The following FAM13A variants were observed in gnomAD, a reference collection of about 807,000 sequenced individuals.
FAM13A encodes the protein protein FAM13A.
In FAM13A, 76 loss-of-function variants were observed where a neutral mutation model predicts 129.6. The ratio of observed to expected loss-of-function variants is 0.59; its 90% CI spans 0.49 to 0.71. The LOEUF (loss-of-function observed/expected upper bound fraction) is 0.71. FAM13A is among the 30% of genes least tolerant of loss of function. The pLI is 0.00. For missense variants in FAM13A, 1,108 were observed against 1,249.3 expected (o/e 0.89, Z 1.70); for synonymous variants, 443 against 449.9 (o/e 0.98, Z 0.20).
At chr4:88,780,784 C>T (rs1278994651) in intron 11 of FAM13A, among the ~76,000 whole-genome samples, 1 of 151,754 alleles carries the variant, frequency 6.6e-6, no homozygotes, top group South Asian at 2.1e-4. Context: ...TGTATTTCAC[C>T]TTGCTTTAAG....
chr4:88,969,162 T>A (rs1759743546), intron 4 of FAM13A, among the ~76,000 whole-genome samples: 1 of 152,126 alleles, frequency 6.6e-6, no homozygotes, highest in African/African-American at 2.4e-5. Context: ...AACTTACTCA[T>A]GTAAGCAAAC....
intron 11 of FAM13A, among the ~76,000 whole-genome samples, chr4:88,780,093 T>C (rs1338344137): frequency 6.6e-6 from 1 of 152,192 alleles, no homozygotes; most frequent in Non-Finnish European, 1.5e-5. Context: ...ATTTTGAGAA[T>C]TGTACCAGAC....
intron 6 of FAM13A, among the ~76,000 whole-genome samples, chr4:88,881,014 C>A (rs2150125710): frequency 6.6e-6 from 1 of 152,282 alleles, no homozygotes; most frequent in African/African-American, 2.4e-5. Flanking sequence ...CTAACCCTGC[C>A]CCCACCTGAT....
At chr4:88,884,998 T>C (rs1481430061) in intron 6 of FAM13A, among the ~76,000 whole-genome samples, 4 of 152,106 alleles carry the variant, frequency 2.6e-5, no homozygotes, top group African/African-American at 9.7e-5. Flanking sequence ...AAAGAAATCA[T>C]AGATGGCACA....
At chr4:88,953,857 G>T (rs1357275852) in intron 4 of FAM13A, among the ~76,000 whole-genome samples, 1 of 152,086 alleles carries the variant, frequency 6.6e-6, no homozygotes, top group South Asian at 2.1e-4. Context: ...ATTCACTGAT[G>T]GACATTTGGG....
chr4:88,958,072 A>G, intron 4 of FAM13A, among the ~76,000 whole-genome samples: 1 of 150,206 alleles, frequency 6.7e-6, no homozygotes, highest in South Asian at 2.1e-4. Context: ...GTCAGAGGGA[A>G]AAAAAAAAAG....
chr4:88,885,367 A>G (rs1243974597), intron 6 of FAM13A, among the ~76,000 whole-genome samples: 1 of 152,216 alleles, frequency 6.6e-6, no homozygotes, highest in Non-Finnish European at 1.5e-5. Flanking sequence ...AAATACAGCC[A>G]ATGGATCTTC....
At chr4:89,024,827 A>T (rs1286470863) in intron 2 of FAM13A, among the ~76,000 whole-genome samples, 1 of 152,074 alleles carries the variant, frequency 6.6e-6, no homozygotes, top group East Asian at 1.9e-4. Context: ...GCCTTTCAAA[A>T]TACAGGTGCC....
Position 88,986,901 on chromosome 4 carries a change from T to C in FAM13A, c.605+4072A>G, listed in dbSNP as rs559206570. ...TCATTCCATCATTCAAGTATTCATT[T>C]CTTTCTTTATTTCCTTGCTCTAGAA... On this transcript the variant is annotated intron_variant, in intron 4 of 23. Coordinates refer to ENST00000264344, the MANE Select transcript of FAM13A (RefSeq NM_014883.4). Among the ~76,000 whole-genome samples the C allele has an allele frequency of 3.8e-3, 579 of 152,372 alleles. 1 individual carries two copies. The highest frequency in any genetic ancestry group is 6.8e-3 in the Non-Finnish European group (464 of 68,036).
At position 89,044,215 on chromosome 4, in the gene FAM13A, T is replaced by C. The variant is rs74636075; in HGVS notation, c.27+12723A>G. 5.2e-3 allele frequency among the ~76,000 whole-genome samples: 790 copies of C among 152,140 alleles called. 7 individuals are homozygous for C. The highest frequency in any genetic ancestry group is 0.018 in the African/African-American group (762 of 41,496). On this transcript the variant is annotated intron_variant, in intron 1 of 23. Transcript: ENST00000264344. The stretch of plus-strand genomic sequence containing the variant: ...ATACATATTCAAAATATGTAAAGAA[T>C]TGCAACAATTCAACAACAAAAAATA...
chr4:89,029,699 G>A (rs1287780734), intron 1 of FAM13A, 50 bp from the exon 2 acceptor site: 2 of 1,473,146 alleles, frequency 1.4e-6, no homozygotes, highest in East Asian at 2.3e-5. Context: ...TACCACAGGA[G>A]GTTGCATGGT....
intron 7 of FAM13A, 150 bp downstream of exon 7, chr4:88,850,870 C>A: frequency 1.5e-6 from 1 of 645,246 alleles, no homozygotes; most frequent in Non-Finnish European, 2.6e-6. Flanking sequence ...AGAAAATTCT[C>A]AAAACATAGA....
chr4:88,883,939 A>G (rs1015144869), intron 6 of FAM13A, among the ~76,000 whole-genome samples: 3 of 152,154 alleles, frequency 2.0e-5, no homozygotes, highest in African/African-American at 4.8e-5. Context: ...CTGGAAACAG[A>G]CAACCCTCCT....
chr4:88,825,718 A>G (rs1732878969), intron 7 of FAM13A, among the ~76,000 whole-genome samples: 1 of 152,232 alleles, frequency 6.6e-6, no homozygotes, highest in Admixed American at 6.5e-5. Flanking sequence ...AAAATATGTT[A>G]AACTGAATTG....
At chr4:88,810,960 C>T (rs1729556431) in intron 7 of FAM13A, among the ~76,000 whole-genome samples, 1 of 152,096 alleles carries the variant, frequency 6.6e-6, no homozygotes, top group Non-Finnish European at 1.5e-5. Context: ...TAGGTCATGA[C>T]CCACAGAATT....
At chr4:89,040,304 T>G (rs1020309533) in intron 1 of FAM13A, among the ~76,000 whole-genome samples, 2 of 152,182 alleles carry the variant, frequency 1.3e-5, no homozygotes. Context: ...TAAATCTAAG[T>G]GGGCAGTATA....
chr4:88,896,593 C>CAT (rs2150189181), intron 6 of FAM13A, among the ~76,000 whole-genome samples: 1 of 152,274 alleles, frequency 6.6e-6, no homozygotes, highest in South Asian at 2.1e-4. Flanking sequence ...CATGTCATCT[C>CAT]ATTATTGAAT....
chr4:88,838,676 G>A (rs1461864288), intron 7 of FAM13A, among the ~76,000 whole-genome samples: 1 of 151,790 alleles, frequency 6.6e-6, no homozygotes, highest in Non-Finnish European at 1.5e-5. Context: ...GCAGTGAGCC[G>A]AGATTGTGCC....
chr4:88,750,677 A>G, intron 14 of FAM13A, 40 bp from the exon 15 acceptor site: 2 of 1,493,336 alleles, frequency 1.3e-6, no homozygotes, highest in Non-Finnish European at 1.9e-6. Flanking sequence ...TGTTCCTGAA[A>G]GAGGTCAGGG....
Sources: gnomAD v4.1 joint callset for allele counts (sites outside exome capture counted in the v4.1 genomes callset) on GRCh38, gnomAD v4.1.1 for gene constraint, MANE v1.5 for transcripts, NCBI Gene and HGNC (gene_info 2026-07-23, HGNC 2026-07-21) for gene names.